The following SHROOM3 variants were observed in gnomAD, a reference collection of about 807,000 sequenced individuals.
SHROOM3 encodes the protein protein Shroom3.
A neutral mutation model predicts 138.6 loss-of-function variants in SHROOM3; 47 were observed. The ratio of observed to expected loss-of-function variants is 0.34; its 90% CI spans 0.27 to 0.43. The LOEUF (loss-of-function observed/expected upper bound fraction) is 0.43. Among genes scored for constraint, SHROOM3 ranks in the 20% least tolerant of loss-of-function variants. The pLI is 1.00. For synonymous variants in SHROOM3, 1,062 were observed against 1,063.3 expected (o/e 1.00, Z 0.02); for missense variants, 2,491 against 2,596.5 (o/e 0.96, Z 0.88).
chr4:76,638,349 A>G (rs1401238192), intron 2 of SHROOM3, among the ~76,000 whole-genome samples: 1 of 152,142 alleles, frequency 6.6e-6, no homozygotes, highest in Non-Finnish European at 1.5e-5. Flanking sequence ...GTAAAAATAT[A>G]AAATATTTTG....
intron 2 of SHROOM3, chr4:76,689,066 T>A: frequency 1.9e-6 from 1 of 512,856 alleles, no homozygotes; most frequent in African/African-American, 2.1e-5. Flanking sequence ...GCGGGCTTCT[T>A]AAAGTTGATA....
intron 2 of SHROOM3, among the ~76,000 whole-genome samples, chr4:76,643,332 T>C (rs1305027390): frequency 2.6e-5 from 4 of 152,118 alleles, no homozygotes; most frequent in Admixed American, 1.3e-4. Context: ...CACCCCTTTG[T>C]AGTATTATTA....
chr4:76,771,329 G>T (rs1722350157), intron 10 of SHROOM3, among the ~76,000 whole-genome samples: 1 of 150,960 alleles, frequency 6.6e-6, no homozygotes, highest in African/African-American at 2.4e-5. Flanking sequence ...AGTGAGCCGA[G>T]ATCACGCCAC....
At chr4:76,655,404 G>A (rs1736043897) in intron 2 of SHROOM3, among the ~76,000 whole-genome samples, 1 of 151,772 alleles carries the variant, frequency 6.6e-6, no homozygotes, top group African/African-American at 2.4e-5. Flanking sequence ...TTACATTCTG[G>A]GCCAATAAGA....
At chr4:76,616,174 T>TA (rs2110063811) in intron 2 of SHROOM3, among the ~76,000 whole-genome samples, 1 of 152,324 alleles carries the variant, frequency 6.6e-6, no homozygotes, top group East Asian at 1.9e-4. Flanking sequence ...TGCAGCATCA[T>TA]ACGGGGGTTA....
intron 2 of SHROOM3, among the ~76,000 whole-genome samples, chr4:76,668,141 G>A (rs1718768754): frequency 6.6e-6 from 1 of 152,010 alleles, no homozygotes; most frequent in Non-Finnish European, 1.5e-5. Flanking sequence ...TCTGTGAAGC[G>A]GCAGCTGAGG....
chr4:76,508,798 C>T (rs906087745), intron 1 of SHROOM3, among the ~76,000 whole-genome samples: 1 of 152,046 alleles, frequency 6.6e-6, no homozygotes, highest in Non-Finnish European at 1.5e-5. Context: ...TACCTTAGAC[C>T]AAGTAATTTG....
At chr4:76,625,523 T>C (rs1274122232) in intron 2 of SHROOM3, among the ~76,000 whole-genome samples, 2 of 148,974 alleles carry the variant, frequency 1.3e-5, no homozygotes. Context: ...CTGTCTTTTC[T>C]TGCATTACCT....
At chr4:76,520,675 T>C (rs1174923610) in intron 1 of SHROOM3, among the ~76,000 whole-genome samples, 1 of 152,194 alleles carries the variant, frequency 6.6e-6, no homozygotes, top group East Asian at 1.9e-4. Context: ...TCCCCATTTC[T>C]CTTAGAATAA....
intron 2 of SHROOM3, among the ~76,000 whole-genome samples, chr4:76,604,739 G>A (rs1734580465): frequency 6.6e-6 from 1 of 152,206 alleles, no homozygotes; most frequent in South Asian, 2.1e-4. Context: ...AAATAGCAGG[G>A]ATGTTGAAAC....
chr4:76,519,286 T>C (rs1732513105), intron 1 of SHROOM3, among the ~76,000 whole-genome samples: 1 of 152,170 alleles, frequency 6.6e-6, no homozygotes, highest in Non-Finnish European at 1.5e-5. Context: ...GGAGTAGTCA[T>C]AGAAACTATG....
Position 76,599,061 on chromosome 4 carries a change from G to A in SHROOM3, c.323+43298G>A, listed in dbSNP as rs138221666. On this transcript the variant is annotated intron_variant, in intron 2 of 10. Transcript: ENST00000296043. The stretch of plus-strand genomic sequence containing the variant: ...AGACTTGGTGACGGGCTGGCTGCTT[G>A]GGTGCAGGGGTGCAAGGCGAGGAGG... 1.9e-4 allele frequency among the ~76,000 whole-genome samples: 29 copies of A among 152,172 alleles called. No homozygotes were observed. In the East Asian group the frequency reaches 4.8e-3, roughly 25 times the overall value.
chr4:76,609,615 C>A (rs1734720367), intron 2 of SHROOM3, among the ~76,000 whole-genome samples: 1 of 152,120 alleles, frequency 6.6e-6, no homozygotes, highest in South Asian at 2.1e-4. Context: ...GATCAGAAGT[C>A]TTTAAAAAAG....
chr4:76,765,021 A>T (rs1722102512), intron 9 of SHROOM3, among the ~76,000 whole-genome samples: 3 of 151,400 alleles, frequency 2.0e-5, no homozygotes, highest in Admixed American at 1.3e-4. Context: ...ATTTTTTTTT[A>T]AATCTGTTTT....
At chr4:76,515,062 A>C (rs892843688) in intron 1 of SHROOM3, among the ~76,000 whole-genome samples, 1 of 152,100 alleles carries the variant, frequency 6.6e-6, no homozygotes, top group East Asian at 1.9e-4. Flanking sequence ...TACAAATACA[A>C]AAATTAGCTG....
intron 2 of SHROOM3, among the ~76,000 whole-genome samples, chr4:76,589,935 G>T (rs1486974567): frequency 6.6e-6 from 1 of 152,184 alleles, no homozygotes; most frequent in African/African-American, 2.4e-5. Flanking sequence ...TGAAATGGAA[G>T]AATTTGTCCA....
chr4:76,447,017 T>C (rs2109967295), intron 1 of SHROOM3, among the ~76,000 whole-genome samples: 1 of 152,306 alleles, frequency 6.6e-6, no homozygotes, highest in African/African-American at 2.4e-5. Context: ...GTACACTCTC[T>C]TGGCACGATC....
chr4:76,739,976 C>G lies in SHROOM3; in HGVS notation c.1803C>G (p.His601Gln). 1.2e-6 allele frequency: 2 copies of G among 1,614,158 alleles called. No homozygotes were observed. Among genetic ancestry groups the G allele is most frequent in the Non-Finnish European group, 1.7e-6 (2 of 1,180,046 alleles). Residue 601 changes from histidine (H) to glutamine (Q), a missense_variant, in exon 5 of 11, where the codon CAC becomes CAG. By Grantham distance (24) the His-to-Gln change is conservative. This residue lies in a region of SHROOM3 where 1,733 missense variants were observed against 1,661.6 expected (regional missense o/e 1.04). Transcript: ENST00000296043. ...THSNKPSSHP[H>Q]SLKCPQAQAW... Reference sequence around the variant, plus strand: ...GTAACAAACCATCTTCTCATCCCCACAGCCTCAAATGCCCTCAGGCTCAGG... The same window carrying G: ...GTAACAAACCATCTTCTCATCCCCAGAGCCTCAAATGCCCTCAGGCTCAGG...
chr4:76,705,199 G>A (rs575782418), intron 2 of SHROOM3, among the ~76,000 whole-genome samples: 1 of 151,252 alleles, frequency 6.6e-6, no homozygotes, highest in Admixed American at 6.6e-5. Flanking sequence ...GTTGGGCATG[G>A]TAACTCATGC....
Sources: gnomAD v4.1 joint callset for allele counts (sites outside exome capture counted in the v4.1 genomes callset) on GRCh38, gnomAD v4.1.1 for gene constraint, gnomAD v4.1.1 regional missense constraint, MANE v1.5 for transcripts, NCBI Gene and HGNC (gene_info 2026-07-23, HGNC 2026-07-21) for gene names.